The following SGCD variants were observed in gnomAD, a reference collection of about 807,000 sequenced individuals.
SGCD encodes delta-sarcoglycan.
In SGCD, 18 loss-of-function variants were observed where a neutral mutation model predicts 36.6. That is an observed-to-expected ratio of 0.49 (90% confidence interval 0.34 to 0.73). The LOEUF is 0.73. SGCD is among the 30% of genes least tolerant of loss of function. The probability of loss-of-function intolerance (pLI) is 0.01; values close to 1 mark genes in which losing one functional copy is unlikely to be tolerated. For missense variants in SGCD, 387 were observed against 346.7 expected, an observed-to-expected ratio of 1.12 and a Z score of -0.92; for synonymous variants, 133 against 130.6, an observed-to-expected ratio of 1.02 and a Z score of -0.12.
the SGCD span, among the ~76,000 whole-genome samples, chr5:155,779,593 G>T: frequency 2.0e-5 from 3 of 151,892 alleles, no homozygotes. Flanking sequence ...AAAAAATGTT[G>T]TCTGTGTTGA....
At chr5:156,123,508 A>G (rs977125489) in intron 2 of SGCD, among the ~76,000 whole-genome samples, 1 of 152,146 alleles carries the variant, frequency 6.6e-6, no homozygotes, top group Non-Finnish European at 1.5e-5. Flanking sequence ...TTTGTATACT[A>G]AAGATTTGCT....
chr5:156,512,588 G>T (rs1756992453), intron 4 of SGCD, among the ~76,000 whole-genome samples: 1 of 152,102 alleles, frequency 6.6e-6, no homozygotes, highest in Non-Finnish European at 1.5e-5. Context: ...TGCCTATATT[G>T]TTTATTTTGT....
At chr5:156,731,878 T>C (rs2063600901) in intron 7 of SGCD, among the ~76,000 whole-genome samples, 3 of 152,186 alleles carry the variant, frequency 2.0e-5, no homozygotes, top group African/African-American at 7.2e-5. Context: ...ACTTCCCTGG[T>C]TAGCTGTATT....
At chr5:156,601,426 GA>G (rs772371363) in intron 6 of SGCD, among the ~76,000 whole-genome samples, 4 of 152,106 alleles carry the variant, frequency 2.6e-5, no homozygotes, top group Non-Finnish European at 4.4e-5. Context: ...TCAACTTTAT[GA>G]AAAGGCAATT....
At chr5:156,097,661 C>T (rs1295014657) in intron 1 of SGCD, among the ~76,000 whole-genome samples, 4 of 152,178 alleles carry the variant, frequency 2.6e-5, no homozygotes, top group South Asian at 2.1e-4. Flanking sequence ...ATTTCTTCAA[C>T]ACTTACTTTC....
Position 155,975,905 on chromosome 5 carries a change from C to G in SGCD, c.-282+105481C>G, listed in dbSNP as rs948205662. Among the ~76,000 whole-genome samples, 3 of 152,092 alleles carry G rather than the reference C, an allele frequency of 2.0e-5. No individual in the cohort carries two copies. In the South Asian group the frequency reaches 6.2e-4, roughly 32 times the overall value. On this transcript the variant is annotated intron_variant, in intron 1 of 9. Transcript: ENST00000517913. ...TCAGCCTCCCAAAGTGCTGGGATTA[C>G]AGGCGTGAGCCACTGCGCTCGGCCA... is the stretch of plus-strand genomic sequence containing the variant.
At chr5:156,740,810 G>A (rs906214086) in intron 7 of SGCD, among the ~76,000 whole-genome samples, 10 of 152,164 alleles carry the variant, frequency 6.6e-5, no homozygotes, top group Non-Finnish European at 1.2e-4. Flanking sequence ...TGTGACCCAC[G>A]TTTCAAAAGC....
chr5:156,723,476 T>A (rs182870764), intron 7 of SGCD, among the ~76,000 whole-genome samples: 1 of 152,388 alleles, frequency 6.6e-6, no homozygotes, highest in East Asian at 1.9e-4. Context: ...CCTCTCTTTG[T>A]GCAGTTAATA....
At chr5:156,231,792 T>C (rs1765027333) in intron 3 of SGCD, among the ~76,000 whole-genome samples, 1 of 152,192 alleles carries the variant, frequency 6.6e-6, no homozygotes, top group African/African-American at 2.4e-5. Context: ...GTAGGACTCA[T>C]GTATAACATA....
intron 3 of SGCD, among the ~76,000 whole-genome samples, chr5:156,412,845 G>A (rs1321766857): frequency 6.8e-6 from 1 of 146,896 alleles, no homozygotes; most frequent in Non-Finnish European, 1.5e-5. Flanking sequence ...CCGGACTGCG[G>A]ACTGCAGTGG....
intron 2 of SGCD, among the ~76,000 whole-genome samples, chr5:156,336,533 A>AT (rs929274504): frequency 1.3e-4 from 19 of 151,702 alleles, no homozygotes; most frequent in South Asian, 2.1e-4. Flanking sequence ...CAGTCTAGCT[A>AT]TTTTTTTTTA....
intron 6 of SGCD, among the ~76,000 whole-genome samples, chr5:156,642,151 C>T (rs1192188528): frequency 2.0e-5 from 3 of 152,124 alleles, no homozygotes. Flanking sequence ...TCTGAGGATG[C>T]TAATCCCATC....
chr5:156,671,526 G>A (rs945361498), intron 7 of SGCD, among the ~76,000 whole-genome samples: 2 of 151,976 alleles, frequency 1.3e-5, no homozygotes, highest in Non-Finnish European at 2.9e-5. Flanking sequence ...CACCCACCTC[G>A]GCCTCCCAAA....
In SGCD at chr5:156,497,360, A is replaced by G. The variant is rs191158946; in HGVS notation, c.193-11241A>G. On this transcript the variant is annotated intron_variant, in intron 3 of 8. Transcript: ENST00000337851. ...ACTTATTCCCTCTCTGTGTTGAGGCATGGGTAATCCCCATTGTTTGATTTA... is the reference window on the plus strand; with the variant it reads ...ACTTATTCCCTCTCTGTGTTGAGGCGTGGGTAATCCCCATTGTTTGATTTA... Among the ~76,000 whole-genome samples, 114 of 152,272 alleles carry G rather than the reference A, an allele frequency of 7.5e-4. 1 individual carries two copies. Among genetic ancestry groups the G allele is most frequent in the African/African-American group, 2.7e-3 (113 of 41,560 alleles).
intron 7 of SGCD, among the ~76,000 whole-genome samples, chr5:156,652,474 C>G (rs1321874109): frequency 6.6e-6 from 1 of 152,072 alleles, no homozygotes; most frequent in East Asian, 1.9e-4. Context: ...GGTGGCAGAG[C>G]AGGACCCTAT....
At chr5:155,766,165 T>C in the SGCD span, among the ~76,000 whole-genome samples, 2 of 152,168 alleles carry the variant, frequency 1.3e-5, no homozygotes, top group South Asian at 4.2e-4. Context: ...TCATGAGAGA[T>C]AGAGGGTGCA....
At chr5:156,461,740 CT>C (rs1754497910) in intron 3 of SGCD, among the ~76,000 whole-genome samples, 1 of 152,002 alleles carries the variant, frequency 6.6e-6, no homozygotes, top group African/African-American at 2.4e-5. Flanking sequence ...AGCAATAAGC[CT>C]TTAGGTTCTA....
chr5:156,370,000 C>G (rs771419326), intron 3 of SGCD, among the ~76,000 whole-genome samples: 1 of 152,126 alleles, frequency 6.6e-6, no homozygotes, highest in Non-Finnish European at 1.5e-5. Flanking sequence ...GGTTGTCTAA[C>G]TTGGTTAAAT....
At chr5:156,244,286 C>T (rs772085734) in intron 3 of SGCD, among the ~76,000 whole-genome samples, 3 of 152,114 alleles carry the variant, frequency 2.0e-5, no homozygotes, top group Non-Finnish European at 4.4e-5. Context: ...GAACCGTGTC[C>T]AGTTGAAAGA....
Sources: gnomAD v4.1 joint callset for allele counts (sites outside exome capture counted in the v4.1 genomes callset) on GRCh38, gnomAD v4.1.1 for gene constraint, MANE v1.5 for transcripts, NCBI Gene and HGNC (gene_info 2026-07-23, HGNC 2026-07-21) for gene names.